The following ANKS1B variants were observed in gnomAD, a reference collection of about 807,000 sequenced individuals.
The protein encoded by ANKS1B is ankyrin repeat and sterile alpha motif domain containing 1B, also known as ankyrin repeat and sterile alpha motif domain-containing protein 1B.
Under a neutral mutation model 148.3 loss-of-function variants are expected in ANKS1B, and 36 were observed. The ratio of observed to expected loss-of-function variants is 0.24; its 90% CI spans 0.19 to 0.32. The LOEUF (loss-of-function observed/expected upper bound fraction) is 0.32, where lower values mean the gene tolerates loss of function less well. ANKS1B is among the 10% of genes least tolerant of loss of function. ANKS1B has a pLI of 1.00. For missense variants in ANKS1B, 1,157 were observed against 1,542.6 expected (o/e 0.75, Z 4.19); for synonymous variants, 542 against 560.8 (o/e 0.97, Z 0.47).
intron 25 of ANKS1B, among the ~76,000 whole-genome samples, chr12:98,765,102 T>C (rs1292543671): frequency 6.6e-6 from 1 of 152,222 alleles, no homozygotes; most frequent in Non-Finnish European, 1.5e-5. Context: ...TAAGCATCAC[T>C]ATTAACTGCT....
At chr12:99,157,205 C>T (rs1286617005) in intron 14 of ANKS1B, among the ~76,000 whole-genome samples, 2 of 152,178 alleles carry the variant, frequency 1.3e-5, no homozygotes, top group Non-Finnish European at 2.9e-5. Context: ...AAACAAGATA[C>T]TATTTGTCCC....
chr12:98,982,194 C>G (rs555923881), intron 17 of ANKS1B, among the ~76,000 whole-genome samples: 1 of 152,144 alleles, frequency 6.6e-6, no homozygotes, highest in Admixed American at 6.5e-5. Flanking sequence ...TATATGTAAA[C>G]TTAAAAGTAG....
intron 9 of ANKS1B, among the ~76,000 whole-genome samples, chr12:99,539,686 C>G (rs1301322301): frequency 1.3e-5 from 2 of 152,106 alleles, no homozygotes; most frequent in African/African-American, 4.8e-5. Context: ...ACACTCCAAA[C>G]AAAGAGATGA....
chr12:99,270,712 C>G (rs1171999604), intron 12 of ANKS1B, among the ~76,000 whole-genome samples: 1 of 152,188 alleles, frequency 6.6e-6, no homozygotes, highest in Admixed American at 6.5e-5. Flanking sequence ...CTGGATTGTT[C>G]TCTGTAATTC....
chr12:99,445,368 T>C (rs1594915778), intron 10 of ANKS1B, among the ~76,000 whole-genome samples: 2 of 152,022 alleles, frequency 1.3e-5, no homozygotes, highest in African/African-American at 2.4e-5. Flanking sequence ...TAGGGATGAA[T>C]AGGTTAAGCA....
chr12:98,936,623 T>TA (rs201127042), intron 17 of ANKS1B, among the ~76,000 whole-genome samples: 52 of 146,604 alleles, frequency 3.5e-4, no homozygotes, highest in East Asian at 7.9e-4. Flanking sequence ...GAGACTCTGT[T>TA]AAAAAAAAAA....
At chr12:99,000,792 T>C (rs1054395399) in intron 17 of ANKS1B, among the ~76,000 whole-genome samples, 1 of 152,220 alleles carries the variant, frequency 6.6e-6, no homozygotes, top group African/African-American at 2.4e-5. Context: ...CCATTTATTC[T>C]ACTCTCGCAT....
chr12:99,922,706 C>A (rs1447262324), intron 1 of ANKS1B, among the ~76,000 whole-genome samples: 2 of 152,090 alleles, frequency 1.3e-5, no homozygotes, highest in African/African-American at 4.8e-5. Flanking sequence ...GTGTTGGGAA[C>A]TTAATCCCCA....
chr12:99,574,236 C>T (rs1400805937), intron 9 of ANKS1B, among the ~76,000 whole-genome samples: 1 of 152,132 alleles, frequency 6.6e-6, no homozygotes, highest in African/African-American at 2.4e-5. Context: ...TCCTTTCACT[C>T]CTTTACTGTA....
chr12:99,497,921 T>C (rs1407061629), intron 10 of ANKS1B, among the ~76,000 whole-genome samples: 1 of 152,066 alleles, frequency 6.6e-6, no homozygotes, highest in African/African-American at 2.4e-5. Flanking sequence ...GTAATGCCCA[T>C]TTTGTCTGTA....
intron 10 of ANKS1B, among the ~76,000 whole-genome samples, chr12:99,465,976 T>A (rs2058839281): frequency 6.6e-6 from 1 of 150,988 alleles, no homozygotes; most frequent in African/African-American, 2.4e-5. Flanking sequence ...CCACCCCAAA[T>A]CAATATACAT....
intron 9 of ANKS1B, among the ~76,000 whole-genome samples, chr12:99,589,221 G>A (rs2097675486): frequency 6.6e-6 from 1 of 152,198 alleles, no homozygotes; most frequent in Admixed American, 6.5e-5. Context: ...AATGGAACAT[G>A]GTTGAAAATT....
intron 9 of ANKS1B, among the ~76,000 whole-genome samples, chr12:99,579,028 A>G (rs141375774): frequency 2.0e-5 from 3 of 152,166 alleles, no homozygotes; most frequent in African/African-American, 7.2e-5. Flanking sequence ...AGATTAAAAA[A>G]CCCAGAAATA....
chr12:98,807,718 C>T (rs2099061654), intron 20 of ANKS1B, 126 bp downstream of exon 20: 3 of 615,254 alleles, frequency 4.9e-6, no homozygotes, highest in Admixed American at 6.8e-5. Context: ...CAAAGAGTCT[C>T]GGAGTCACCA....
chr12:99,422,663 G>A (rs1479679899), intron 11 of ANKS1B, among the ~76,000 whole-genome samples: 1 of 152,074 alleles, frequency 6.6e-6, no homozygotes, highest in Non-Finnish European at 1.5e-5. Context: ...GATGTGTTCG[G>A]GATACAAAAA....
At chr12:99,772,738 C>G in intron 8 of ANKS1B, 184 bp downstream of exon 8, 3 of 469,608 alleles carry the variant, frequency 6.4e-6, no homozygotes, top group Non-Finnish European at 1.1e-5. Context: ...TCTGTCAAAG[C>G]ACTCCTTCCC....
At chr12:99,930,748 C>T (rs2094592444) in intron 1 of ANKS1B, among the ~76,000 whole-genome samples, 1 of 152,190 alleles carries the variant, frequency 6.6e-6, no homozygotes, top group Admixed American at 6.5e-5. Context: ...GTTGGTGGGA[C>T]TGTAAACTAG....
chr12:99,017,094 T>C (rs1293226551), intron 17 of ANKS1B, among the ~76,000 whole-genome samples: 1 of 152,202 alleles, frequency 6.6e-6, no homozygotes, highest in Non-Finnish European at 1.5e-5. Flanking sequence ...CCTAACTAAC[T>C]GAATGGATTC....
At chr12:99,791,145 A>G (rs139056853) in intron 4 of ANKS1B, among the ~76,000 whole-genome samples, 2 of 152,164 alleles carry the variant, frequency 1.3e-5, no homozygotes, top group East Asian at 3.9e-4. Context: ...TAGGCAAAAT[A>G]GGTTTTAAGA....
Sources: gnomAD v4.1 joint callset for allele counts (sites outside exome capture counted in the v4.1 genomes callset) on GRCh38, gnomAD v4.1.1 for gene constraint, MANE v1.5 for transcripts, NCBI Gene and HGNC (gene_info 2026-07-23, HGNC 2026-07-21) for gene names.